Variants in PAXIP1 observed in about 807,000 individuals in gnomAD.
PAXIP1 encodes PAX-interacting protein 1.
PAXIP1 carries 19 observed loss-of-function variants against 140.6 expected under a neutral mutation model. The ratio of observed to expected loss-of-function variants is 0.14; its 90% CI spans 0.09 to 0.20. The LOEUF (loss-of-function observed/expected upper bound fraction) is 0.20, where lower values mean the gene tolerates loss of function less well. PAXIP1 is among the 10% of genes least tolerant of loss of function. The probability of loss-of-function intolerance (pLI) is 1.00; values close to 1 mark genes in which losing one functional copy is unlikely to be tolerated. For missense variants in PAXIP1, 920 were observed against 1,208.6 expected (o/e 0.76, Z 3.54); for synonymous variants, 442 against 444.6 (o/e 0.99, Z 0.07).
At position 154,986,254 on chromosome 7, in the gene PAXIP1, G is replaced by GC. The variant is rs1810064432; in HGVS notation, c.325-2923dup. 1 of 1,112,414 alleles carries GC rather than the reference G, an allele frequency of 9.0e-7. No individual in the cohort carries two copies. The highest frequency in any genetic ancestry group is 1.2e-6 in the Non-Finnish European group (1 of 840,862). 68.9% of individuals were successfully genotyped at this position (1,112,414 alleles called of 1,614,324 possible). ...TTTTGTAAAGCTGGGGTCCTGCCTG[G>GC]CGTGTGCATGTGAGTGTGTGTGCGC... is the stretch of plus-strand genomic sequence containing the variant. On this transcript the variant is annotated intron_variant, in intron 4 of 20. Transcript: ENST00000404141. This position sits in a 1 kb window ranked among gnomAD's most constrained non-coding sequence, Gnocchi z 4.8.
At chr7:154,995,029 G>A (rs1810510228) in intron 2 of PAXIP1, among the ~76,000 whole-genome samples, 1 of 152,166 alleles carries the variant, frequency 6.6e-6, no homozygotes, top group Admixed American at 6.5e-5. Context: ...CCTTCATGTA[G>A]ACCAAGCTCT....
rs776508760 is a variant in PAXIP1, at chr7:154,973,641, G to C, written c.1074+2055C>G. Among the ~76,000 whole-genome samples, 19 of 152,144 alleles carry C rather than the reference G, an allele frequency of 1.2e-4. No individual in the cohort carries two copies. The highest frequency in any genetic ancestry group is 2.4e-4 in the Non-Finnish European group (16 of 68,026). On this transcript the variant is annotated intron_variant, in intron 6 of 20. Transcript: ENST00000404141. This position sits in a 1 kb window ranked among gnomAD's most constrained non-coding sequence, Gnocchi z 4.0. ...TAATACTCGCTGCTTAGGTGGAGGGGAGGGGAGACAAAGATTTTGTCTGTC... is the reference window on the plus strand; with the variant it reads ...TAATACTCGCTGCTTAGGTGGAGGGCAGGGGAGACAAAGATTTTGTCTGTC...
intron 6 of PAXIP1, chr7:154,974,312 T>C (rs895390064): frequency 1.3e-5 from 2 of 152,214 alleles, no homozygotes; most frequent in African/African-American, 4.8e-5. Context: ...CCCTCAAAGA[T>C]CCACTGTTTA....
At chr7:154,993,437 T>C (rs1810438457) in intron 3 of PAXIP1, among the ~76,000 whole-genome samples, 4 of 152,188 alleles carry the variant, frequency 2.6e-5, no homozygotes, top group Admixed American at 2.6e-4. Flanking sequence ...ATTTTAGAAA[T>C]ATCCCTCATC....
At chr7:154,993,539 A>C (rs961217325) in intron 3 of PAXIP1, among the ~76,000 whole-genome samples, 187 bp downstream of exon 3, 1 of 152,168 alleles carries the variant, frequency 6.6e-6, no homozygotes, top group Non-Finnish European at 1.5e-5. Context: ...CCCTTTTAAC[A>C]TGAGTAATAA....
intron 6 of PAXIP1, among the ~76,000 whole-genome samples, chr7:154,969,734 GC>G (rs1380619277): frequency 6.6e-6 from 1 of 152,056 alleles, no homozygotes; most frequent in Admixed American, 6.6e-5. Flanking sequence ...GAGTCCAAGA[GC>G]CTTTCGCTCC....
chr7:154,944,428 C>T (rs537005221), intron 20 of PAXIP1: 13 of 332,776 alleles, frequency 3.9e-5, no homozygotes, highest in Non-Finnish European at 6.1e-5. Flanking sequence ...AACTGAGGCC[C>T]AGCAATAGCT....
intron 8 of PAXIP1, among the ~76,000 whole-genome samples, chr7:154,965,993 T>C (rs898019725): frequency 2.0e-5 from 3 of 152,302 alleles, no homozygotes; most frequent in Admixed American, 2.0e-4. Context: ...TCTCATCTAT[T>C]GGCGTTTCCC....
rs1267460396 is a variant in PAXIP1 at position 154,960,993 on chromosome 7, T to C, written c.2334A>G (p.Gly778=). 1.2e-6 allele frequency: 2 copies of C among 1,602,142 alleles called. No individual in the cohort carries two copies. Among genetic ancestry groups the C allele is most frequent in the South Asian group, 1.1e-5 (1 of 88,750 alleles). ...GAATCTGCCTCAGTGCCTCAAAGTT[T>C]CCCAGAAGAATGTCGCCAAGCCACT... ...NAQWLGDILL[G]NFEALRQIQY... is the part of the protein sequence containing the mutation. The change falls in exon 12 of 21, where the codon GGA becomes GGG. Residue 778 remains glycine, a synonymous_variant. Coordinates refer to ENST00000404141, the MANE Select transcript of PAXIP1 (RefSeq NM_007349.4).
chr7:154,984,706 C>T (rs1189600199), intron 4 of PAXIP1, among the ~76,000 whole-genome samples: 1 of 152,160 alleles, frequency 6.6e-6, no homozygotes, highest in Non-Finnish European at 1.5e-5. Flanking sequence ...ACATTTATAT[C>T]CTGCAGCATT....
chr7:154,958,320 C>CA (rs1404212050), intron 13 of PAXIP1, among the ~76,000 whole-genome samples: 1 of 152,232 alleles, frequency 6.6e-6, no homozygotes, highest in Non-Finnish European at 1.5e-5. Flanking sequence ...TTCATAGTTT[C>CA]AACTCAGAGG....
intron 2 of PAXIP1, 46 bp downstream of exon 2, chr7:154,998,603 CA>C: frequency 6.6e-7 from 1 of 1,516,432 alleles, no homozygotes; most frequent in Non-Finnish European, 9.1e-7. Flanking sequence ...GTACTGCTTG[CA>C]AGATACTGAG....
intron 11 of PAXIP1, 101 bp from the exon 12 acceptor site, chr7:154,961,178 A>C: frequency 4.0e-6 from 4 of 999,116 alleles, no homozygotes; most frequent in Non-Finnish European, 5.7e-6. Flanking sequence ...AAAATTTCTC[A>C]TAATAGAAGT....
intron 6 of PAXIP1, among the ~76,000 whole-genome samples, chr7:154,972,772 C>T (rs748332798): frequency 7.9e-5 from 12 of 152,228 alleles, no homozygotes; most frequent in Admixed American, 2.0e-4. Context: ...ACTGCGTGGC[C>T]GCAGTCTTCC....
chr7:154,946,165 C>T lies in PAXIP1; in HGVS notation c.3194+200G>A. On this transcript the variant is annotated intron_variant, in intron 20 of 20. Transcript: ENST00000404141. This position sits in a 1 kb window ranked among gnomAD's most constrained non-coding sequence, Gnocchi z 4.9. ...ATTAACATCACCTATTAAAACTGAA[C>T]TCTCAGTAAGTTAAGAGAATATTTT... 1 of 981,112 alleles carries T rather than the reference C, an allele frequency of 1.0e-6. No individual in the cohort carries two copies. The highest frequency in any genetic ancestry group is 1.2e-6 in the Non-Finnish European group (1 of 826,056). 60.8% of individuals were successfully genotyped at this position (981,112 alleles called of 1,614,324 possible). A position where few individuals can be genotyped will look rare whatever the true frequency, so the allele number is the denominator to read the frequency against.
At chr7:154,957,173 A>G in intron 14 of PAXIP1, 51 bp downstream of exon 14, 1 of 1,006,674 alleles carries the variant, frequency 9.9e-7, no homozygotes, top group Non-Finnish European at 1.5e-6. Context: ...CGATTTTCCA[A>G]AGCAGACCTG....
chr7:154,945,420 G>T, intron 20 of PAXIP1: 1 of 429,712 alleles, frequency 2.3e-6, no homozygotes. Context: ...GTATTTAAAT[G>T]TAAATATACT....
Position 154,976,200 on chromosome 7 carries a change from C to T in PAXIP1, c.570G>A (p.Glu190=). 6.2e-7 allele frequency: 1 copy of T among 1,612,640 alleles called. No homozygotes were observed. The highest frequency in any genetic ancestry group is 8.5e-7 in the Non-Finnish European group (1 of 1,179,072). ...FYHPRLIIYE[E]EEEEEEEEEE... ...CCTCCTCTTCCTCTTCCTCTTCTTCCTCTTCATAAATAATCAGACGAGGAT... is the reference window on the plus strand; with the variant it reads ...CCTCCTCTTCCTCTTCCTCTTCTTCTTCTTCATAAATAATCAGACGAGGAT... The change falls in exon 6 of 21, where the codon GAG becomes GAA. Residue 190 remains glutamate, a synonymous_variant. Coordinates refer to ENST00000404141, the MANE Select transcript of PAXIP1 (RefSeq NM_007349.4).
At chr7:154,988,520 T>G (rs1328489752) in intron 4 of PAXIP1, among the ~76,000 whole-genome samples, 1 of 152,244 alleles carries the variant, frequency 6.6e-6, no homozygotes, top group African/African-American at 2.4e-5. Flanking sequence ...ATAATATTCT[T>G]TTGTGCTAAA....
Sources: allele counts gnomAD v4.1 joint callset (sites outside exome capture counted in the v4.1 genomes callset), GRCh38; gene constraint gnomAD v4.1.1; non-coding constraint Gnocchi (gnomAD v3.1); transcripts MANE v1.5; gene names NCBI Gene and HGNC (gene_info 2026-07-23, HGNC 2026-07-21).